The following ZNF100 variants were observed in gnomAD, a reference collection of about 807,000 sequenced individuals.
ZNF100 encodes the protein zinc finger protein 100, also known as zinc finger protein 100 (Y1).
A neutral mutation model predicts 15.8 loss-of-function variants in ZNF100; 12 were observed. The observed-to-expected ratio is 0.76, with a 90% CI of 0.49 to 1.23. The LOEUF (loss-of-function observed/expected upper bound fraction) is 1.23. ZNF100 is among the 50% of genes most tolerant of loss of function. The pLI is 0.00. For synonymous variants in ZNF100, 226 were observed against 214.8 expected, an observed-to-expected ratio of 1.05 and a Z score of -0.45; for missense variants, 670 against 635.6, an observed-to-expected ratio of 1.05 and a Z score of -0.58.
intron 3 of ZNF100, 106 bp downstream of exon 3, chr19:21,744,835 G>T: frequency 4.0e-6 from 6 of 1,500,814 alleles, no homozygotes; most frequent in Admixed American, 2.3e-5. Flanking sequence ...TTGAAAAAAC[G>T]GATCAGAAAC....
At chr19:21,752,997 T>C (rs2036335595) in intron 2 of ZNF100, 1 of 152,208 alleles carries the variant, frequency 6.6e-6, no homozygotes, top group Non-Finnish European at 1.5e-5. Context: ...CACCCTGCAT[T>C]TGTCTCCTGA....
chr19:21,730,445 A>AGTGTGTGTGTGTGTGTGTGTGT (rs58942514), intron 4 of ZNF100, among the ~76,000 whole-genome samples: 2 of 147,606 alleles, frequency 1.4e-5, no homozygotes, highest in East Asian at 2.0e-4. Flanking sequence ...TGATAACCTA[A>AGTGTGTGTGTGTGTGTGTGTGT]GTGTGTGTGT....
chr19:21,752,049 C>T (rs938329372), intron 2 of ZNF100: 55 of 264,198 alleles, frequency 2.1e-4, no homozygotes, highest in African/African-American at 1.1e-3. Context: ...ATTCAAGAGA[C>T]GCACGGACAA....
intron 4 of ZNF100, among the ~76,000 whole-genome samples, chr19:21,728,245 CA>C (rs1453523979): frequency 6.6e-6 from 1 of 151,990 alleles, no homozygotes; most frequent in Non-Finnish European, 1.5e-5. Flanking sequence ...AAAGTCTGTA[CA>C]TTTACCCAAC....
At chr19:21,748,232 A>T (rs910663984) in intron 2 of ZNF100, among the ~76,000 whole-genome samples, 1 of 152,198 alleles carries the variant, frequency 6.6e-6, no homozygotes, top group Non-Finnish European at 1.5e-5. Context: ...GGAAATTGTA[A>T]GCACCAGCTC....
At chr19:21,749,480 A>G (rs983783648) in intron 2 of ZNF100, among the ~76,000 whole-genome samples, 4 of 152,230 alleles carry the variant, frequency 2.6e-5, no homozygotes, top group Admixed American at 6.5e-5. Flanking sequence ...AGAGAGATTC[A>G]TGCTGATTCT....
At chr19:21,767,383 A>G (rs780589857) in intron 1 of ZNF100, 44 bp downstream of exon 1, 1 of 1,609,986 alleles carries the variant, frequency 6.2e-7, no homozygotes, top group Admixed American at 1.7e-5. Flanking sequence ...AGTTCCAACC[A>G]GCCCTTTCGC....
At chr19:21,750,910 G>T (rs1035672962) in intron 2 of ZNF100, 23 of 605,482 alleles carry the variant, frequency 3.8e-5, no homozygotes, top group Non-Finnish European at 5.8e-5. Flanking sequence ...GCCGGTGCGT[G>T]GTGCCAGAGC....
chr19:21,725,995 C>T lies in ZNF100; in HGVS notation c.*688G>A, dbSNP rs1223692957. On this transcript the variant is annotated 3_prime_UTR_variant, in exon 5 of 5. Coordinates refer to ENST00000358296, the MANE Select transcript of ZNF100 (RefSeq NM_173531.4). Reference sequence around the variant, plus strand: ...AGTATTTTTCCAACTTTATTACATTCGCACAGTTTTTTTCAATATAAATTC... The same window carrying T: ...AGTATTTTTCCAACTTTATTACATTTGCACAGTTTTTTTCAATATAAATTC... 9.7e-5 allele frequency: 6 copies of T among 61,882 alleles called. No homozygotes were observed. Among genetic ancestry groups the T allele is most frequent in the Admixed American group, 2.0e-4 (1 of 5,094 alleles). The allele number at this position is 61,882 out of a possible 1,614,324, so 3.8% of individuals were successfully genotyped here.
chr19:21,748,862 G>A (rs918372109), intron 2 of ZNF100, among the ~76,000 whole-genome samples: 1 of 152,022 alleles, frequency 6.6e-6, no homozygotes, highest in Non-Finnish European at 1.5e-5. Context: ...GCACCACCTC[G>A]CCTAGTTAAT....
chr19:21,740,331 C>T (rs2036086043), intron 4 of ZNF100, among the ~76,000 whole-genome samples: 1 of 151,550 alleles, frequency 6.6e-6, no homozygotes, highest in Non-Finnish European at 1.5e-5. Context: ...AAAATACTTA[C>T]ATAAAAAAAC....
intron 2 of ZNF100, among the ~76,000 whole-genome samples, chr19:21,754,558 T>C (rs2036362346): frequency 6.6e-6 from 1 of 152,080 alleles, no homozygotes; most frequent in Non-Finnish European, 1.5e-5. Context: ...GTTAAGTAAA[T>C]GGTGCTGGGG....
At chr19:21,763,882 CTCCTG>C (rs1189444380) in intron 2 of ZNF100, among the ~76,000 whole-genome samples, 1 of 152,090 alleles carries the variant, frequency 6.6e-6, no homozygotes, top group Non-Finnish European at 1.5e-5. Context: ...GTTGGTATTC[CTCCTG>C]TTCTAATACT....
At chr19:21,745,243 TGA>T (rs1202924366) in intron 2 of ZNF100, among the ~76,000 whole-genome samples, 176 bp from the exon 3 acceptor site, 35 of 152,338 alleles carry the variant, frequency 2.3e-4, no homozygotes, top group African/African-American at 8.2e-4. Context: ...TCTCTAATTC[TGA>T]GAGAAGAGAA....
In ZNF100 at chr19:21,722,888, A is replaced by G. The variant is rs1458545821; in HGVS notation, c.*3795T>C. On this transcript the variant is annotated 3_prime_UTR_variant, in exon 5 of 5. Transcript: ENST00000358296. The stretch of plus-strand genomic sequence containing the variant: ...ATTTAATTTCTACATTTTCTTGCAA[A>G]TTTTATGTTTGCCACACTTTAAGAA... 2 of 151,754 alleles carry G rather than the reference A, an allele frequency of 1.3e-5. No individual in the cohort carries two copies. The highest frequency in any genetic ancestry group is 6.6e-5 in the Admixed American group (1 of 15,226). The allele number at this position is 151,754 out of a possible 1,614,324, so 9.4% of individuals were successfully genotyped here.
At chr19:21,750,785 AG>A (rs2036292269) in intron 2 of ZNF100, 2 of 386,232 alleles carry the variant, frequency 5.2e-6, no homozygotes, top group South Asian at 1.7e-4. Context: ...GCGGCTGCTG[AG>A]GGCGGCGAGT....
intron 2 of ZNF100, among the ~76,000 whole-genome samples, chr19:21,760,866 CCTT>C (rs2036473097): frequency 1.3e-5 from 2 of 150,752 alleles, no homozygotes; most frequent in South Asian, 4.2e-4. Context: ...ATGCCACTCT[CCTT>C]CCTCAGCCTC....
intron 2 of ZNF100, chr19:21,750,956 G>A (rs1181132790): frequency 4.5e-6 from 4 of 880,006 alleles, no homozygotes; most frequent in Non-Finnish European, 5.2e-6. Context: ...GGCGGCACCC[G>A]GGGATGCGGT....
chr19:21,750,888 G>A, intron 2 of ZNF100: 1 of 579,322 alleles, frequency 1.7e-6, no homozygotes, highest in Non-Finnish European at 3.1e-6. Flanking sequence ...CCCAGTACCA[G>A]CCTCAAGCTG....
Sources: gnomAD v4.1 joint callset for allele counts (sites outside exome capture counted in the v4.1 genomes callset) on GRCh38, gnomAD v4.1.1 for gene constraint, MANE v1.5 for transcripts, NCBI Gene and HGNC (gene_info 2026-07-23, HGNC 2026-07-21) for gene names.